Variants in VPS13B observed in about 807,000 individuals in gnomAD.
VPS13B encodes the protein intermembrane lipid transfer protein VPS13B.
In VPS13B, 285 loss-of-function variants were observed where a neutral mutation model predicts 426.4. That is an observed-to-expected ratio of 0.67 (90% CI 0.61 to 0.74). The LOEUF is 0.74. Among genes scored for constraint, VPS13B ranks in the 30% least tolerant of loss-of-function variants. The pLI, the probability that VPS13B is intolerant of heterozygous loss-of-function variation, is 0.00. For missense variants in VPS13B, 4,537 were observed against 4,782.6 expected (o/e 0.95, Z 1.51); for synonymous variants, 1,676 against 1,676.4 (o/e 1.00, Z 0.01).
intron 36 of VPS13B, among the ~76,000 whole-genome samples, chr8:99,712,355 A>G (rs1232045808): frequency 6.6e-6 from 1 of 152,190 alleles, no homozygotes; most frequent in Non-Finnish European, 1.5e-5. Context: ...TGTTCCCAAA[A>G]GTATTATTAT....
intron 44 of VPS13B, among the ~76,000 whole-genome samples, chr8:99,812,072 T>C (rs906761824): frequency 7.2e-5 from 11 of 152,154 alleles, no homozygotes; most frequent in Non-Finnish European, 1.6e-4. Context: ...TGCACAAATA[T>C]TACACATCGC....
chr8:99,828,033 G>C (rs1814798205), intron 51 of VPS13B, among the ~76,000 whole-genome samples: 2 of 152,176 alleles, frequency 1.3e-5, no homozygotes, highest in South Asian at 2.1e-4. Flanking sequence ...AGGTGGTTCT[G>C]AGAAGAATGT....
intron 33 of VPS13B, among the ~76,000 whole-genome samples, chr8:99,582,899 C>T (rs543252648): frequency 1.1e-3 from 166 of 152,332 alleles, no homozygotes; most frequent in African/African-American, 3.9e-3. Context: ...TGGTGATCCG[C>T]CTGCCTTGGC....
chr8:99,096,429 C>G lies in VPS13B; in HGVS notation c.409C>G (p.Pro137Ala). Residue 137 changes from proline (P) to alanine (A), a missense_variant, in exon 4 of 62, where the codon CCA becomes GCA. Around this residue, in one of 2 missense-constraint regions of VPS13B, gnomAD observed 226 missense variants for 308.3 expected, o/e 0.73. Coordinates refer to ENST00000357162, the MANE Select transcript of VPS13B (RefSeq NM_152564.5). ...TGCTCCTACAGATCCTGACTTACCA[C>G]CAGGTAACTTCTAATGGGATCAATA... is the stretch of plus-strand genomic sequence containing the variant. ...QAAPTDPDLP[P>A]GYVQSLIRRV... 6.2e-7 allele frequency: 1 copy of G among 1,613,964 alleles called. No individual in the cohort carries two copies.
chr8:99,812,280 A>T (rs1199077736), intron 44 of VPS13B, among the ~76,000 whole-genome samples: 1 of 152,186 alleles, frequency 6.6e-6, no homozygotes. Flanking sequence ...TGTTCTGGTT[A>T]AAGTACATCA....
intron 39 of VPS13B, among the ~76,000 whole-genome samples, chr8:99,726,324 G>A (rs545696259): frequency 6.6e-6 from 1 of 152,254 alleles, no homozygotes; most frequent in African/African-American, 2.4e-5. Context: ...ATAAAGTAAT[G>A]CCACCAACCT....
intron 28 of VPS13B, among the ~76,000 whole-genome samples, chr8:99,509,801 A>G (rs113410462): frequency 1.5e-3 from 231 of 152,262 alleles, no homozygotes; most frequent in African/African-American, 5.1e-3. Context: ...TTCTATGCTG[A>G]GCAATTTCCA....
At chr8:99,170,299 T>C (rs1362010346) in intron 16 of VPS13B, 136 bp downstream of exon 16, 2 of 1,083,392 alleles carry the variant, frequency 1.8e-6, no homozygotes, top group Non-Finnish European at 2.6e-6. Flanking sequence ...CTTGTACTTT[T>C]ACTGAGACAC....
intron 21 of VPS13B, among the ~76,000 whole-genome samples, chr8:99,398,181 A>G (rs2133328218): frequency 6.6e-6 from 1 of 152,360 alleles, no homozygotes; most frequent in Non-Finnish European, 1.5e-5. Flanking sequence ...CATATGGATC[A>G]TAGTGGAAGC....
At chr8:99,643,992 A>G (rs1287380272) in intron 34 of VPS13B, among the ~76,000 whole-genome samples, 1 of 152,182 alleles carries the variant, frequency 6.6e-6, no homozygotes, top group African/African-American at 2.4e-5. Flanking sequence ...GGATTAGGAG[A>G]TGAATTCTTA....
At chr8:99,764,409 CTTTTTT>C (rs1009917177) in intron 39 of VPS13B, among the ~76,000 whole-genome samples, 1 of 111,684 alleles carries the variant, frequency 9.0e-6, no homozygotes, top group Non-Finnish European at 1.8e-5. Flanking sequence ...GAGAGAGATT[CTTTTTT>C]TTTTTTTTTT....
chr8:99,311,038 G>A (rs558363533), intron 19 of VPS13B, among the ~76,000 whole-genome samples: 2 of 152,136 alleles, frequency 1.3e-5, no homozygotes, highest in East Asian at 3.9e-4. Context: ...ATTTTTTATT[G>A]TGTCTATTTG....
intron 19 of VPS13B, among the ~76,000 whole-genome samples, chr8:99,374,217 CTGA>C (rs1280181125): frequency 6.6e-6 from 1 of 150,568 alleles, no homozygotes; most frequent in African/African-American, 2.4e-5. Context: ...TTTCTGCTAT[CTGA>C]TGATGATATA....
chr8:99,764,644 GAC>G (rs1484279638), intron 39 of VPS13B, among the ~76,000 whole-genome samples: 2 of 151,824 alleles, frequency 1.3e-5, no homozygotes, highest in African/African-American at 4.8e-5. Context: ...TTGAACTCCT[GAC>G]CTCAGGTGAT....
In VPS13B at chr8:99,556,969, G is replaced by A. The variant is rs1009519801; in HGVS notation, c.4949+316G>A. Among the ~76,000 whole-genome samples, 6 of 151,150 alleles carry A rather than the reference G, an allele frequency of 4.0e-5. No homozygotes were observed. The East Asian group carries it at 1.2e-3, about 29-fold the overall frequency. ...TCTCTTAAAATCTATTGTATTTGGGGTCAATTGTTTGATGTTTAGACTCTC... is the reference window on the plus strand; with the variant it reads ...TCTCTTAAAATCTATTGTATTTGGGATCAATTGTTTGATGTTTAGACTCTC... On this transcript the variant is annotated intron_variant, in intron 31 of 61. Transcript: ENST00000357162.
chr8:99,824,169 A>G (rs566403505), intron 51 of VPS13B, among the ~76,000 whole-genome samples, 191 bp downstream of exon 51: 41 of 152,336 alleles, frequency 2.7e-4, no homozygotes, highest in African/African-American at 9.6e-4. Flanking sequence ...ATGAGCAGAA[A>G]TCCTACCAAG....
chr8:99,697,336 G>A (rs1284648679), intron 35 of VPS13B: 16 of 570,266 alleles, frequency 2.8e-5, no homozygotes, highest in South Asian at 2.1e-4. Flanking sequence ...GCCACCCCTC[G>A]AAGGCCAGGG....
chr8:99,175,464 C>A (rs908724677), intron 16 of VPS13B, among the ~76,000 whole-genome samples: 4 of 152,122 alleles, frequency 2.6e-5, no homozygotes, highest in African/African-American at 9.7e-5. Flanking sequence ...TACTACCATG[C>A]AATATACAAA....
At chr8:99,828,379 A>T (rs2130843658) in intron 51 of VPS13B, among the ~76,000 whole-genome samples, 1 of 103,704 alleles carries the variant, frequency 9.6e-6, no homozygotes, top group East Asian at 3.3e-4. Flanking sequence ...ATCAGAGACT[A>T]GGATTACAAC....
Sources: allele counts gnomAD v4.1 joint callset (sites outside exome capture counted in the v4.1 genomes callset), GRCh38; gene constraint gnomAD v4.1.1; regional missense constraint gnomAD v4.1.1; transcripts MANE v1.5; gene names NCBI Gene and HGNC (gene_info 2026-07-23, HGNC 2026-07-21).